Variants in ARSB observed in about 807,000 individuals in gnomAD.
The protein encoded by ARSB is arylsulfatase B.
A neutral mutation model predicts 50.9 loss-of-function variants in ARSB; 41 were observed. The ratio of observed to expected loss-of-function variants is 0.81; its 90% CI spans 0.63 to 1.04. The LOEUF (loss-of-function observed/expected upper bound fraction) is 1.04, where lower values mean the gene tolerates loss of function less well. ARSB is among the 50% of genes least tolerant of loss of function. ARSB has a pLI of 0.00. For synonymous variants in ARSB, 269 were observed against 284.8 expected, an observed-to-expected ratio of 0.94 and a Z score of 0.56; for missense variants, 672 against 693.3, an observed-to-expected ratio of 0.97 and a Z score of 0.35.
At chr5:78,947,045 A>G (rs915306013) in intron 4 of ARSB, among the ~76,000 whole-genome samples, 4 of 152,214 alleles carry the variant, frequency 2.6e-5, no homozygotes, top group Non-Finnish European at 5.9e-5. Flanking sequence ...AGTCTCTTCA[A>G]TAAATGGTGC....
In ARSB at chr5:78,802,695, C is replaced by T. The variant is rs1743435949; in HGVS notation, c.1214-20721G>A. 2.0e-5 allele frequency among the ~76,000 whole-genome samples: 3 copies of T among 152,326 alleles called. No homozygotes were observed. In the South Asian group the frequency reaches 6.2e-4, roughly 32 times the overall value. On this transcript the variant is annotated intron_variant, in intron 6 of 7. Coordinates refer to ENST00000264914, the MANE Select transcript of ARSB (RefSeq NM_000046.5). ...GAGATAATGATTACAGAATGAAGAG[C>T]ACTCAAGTTCTTGAGGGGCCTTAGA... is the stretch of plus-strand genomic sequence containing the variant.
intron 3 of ARSB, among the ~76,000 whole-genome samples, chr5:78,963,164 G>A (rs1390147798): frequency 6.6e-6 from 1 of 152,110 alleles, no homozygotes; most frequent in Non-Finnish European, 1.5e-5. Context: ...GTTAGAAAGA[G>A]CCTGGCATCT....
chr5:78,937,388 CAT>C (rs1393534921), intron 4 of ARSB, among the ~76,000 whole-genome samples: 6 of 135,510 alleles, frequency 4.4e-5, no homozygotes, highest in Non-Finnish European at 7.9e-5. Context: ...ATATATATAT[CAT>C]ATATATGTAA....
intron 5 of ARSB, among the ~76,000 whole-genome samples, chr5:78,847,613 T>G (rs1210258018): frequency 6.6e-6 from 1 of 152,212 alleles, no homozygotes; most frequent in Non-Finnish European, 1.5e-5. Flanking sequence ...CCTCTTCAAT[T>G]TTCTGGAAGA....
chr5:78,785,233 ATT>A (rs34264126), intron 6 of ARSB, among the ~76,000 whole-genome samples: 1 of 150,346 alleles, frequency 6.7e-6, no homozygotes, highest in African/African-American at 2.5e-5. Flanking sequence ...TTAATTTGTT[ATT>A]TTTTTTATAA....
intron 4 of ARSB, among the ~76,000 whole-genome samples, chr5:78,927,443 A>C (rs562922995): frequency 2.6e-4 from 40 of 152,294 alleles, no homozygotes; most frequent in East Asian, 1.9e-3. Context: ...ACTATTTAGT[A>C]TTGAATAACT....
chr5:78,798,242 G>T (rs190341267), intron 6 of ARSB, among the ~76,000 whole-genome samples: 1 of 152,176 alleles, frequency 6.6e-6, no homozygotes, highest in African/African-American at 2.4e-5. Flanking sequence ...GCCATCTCCA[G>T]TTCTGGCACC....
chr5:78,922,880 C>T (rs1426185102), intron 4 of ARSB, among the ~76,000 whole-genome samples: 2 of 151,912 alleles, frequency 1.3e-5, no homozygotes, highest in Admixed American at 6.6e-5. Context: ...CCTCGGCCTC[C>T]CAAAGTGCTG....
At chr5:78,961,758 C>G (rs547135836) in intron 3 of ARSB, among the ~76,000 whole-genome samples, 2 of 151,938 alleles carry the variant, frequency 1.3e-5, no homozygotes, top group East Asian at 3.9e-4. Context: ...TAATAGGTAG[C>G]TGGCTTCTGC....
chr5:78,818,648 G>T (rs1268635198), intron 6 of ARSB, among the ~76,000 whole-genome samples: 3 of 114,078 alleles, frequency 2.6e-5, no homozygotes. Flanking sequence ...GTCTCGCTCT[G>T]TCGCCCAGGC....
intron 5 of ARSB, chr5:78,883,960 C>T (rs1747883967): frequency 6.6e-6 from 1 of 152,146 alleles, no homozygotes; most frequent in South Asian, 2.1e-4. Flanking sequence ...TATTTTGCAA[C>T]TGGAAATTGG....
intron 1 of ARSB, among the ~76,000 whole-genome samples, chr5:78,975,102 T>G (rs183765047): frequency 6.6e-6 from 1 of 152,202 alleles, no homozygotes; most frequent in East Asian, 1.9e-4. Flanking sequence ...CTGTAAACAT[T>G]TCTTCCAGCT....
At chr5:78,963,391 A>T (rs1299109494) in intron 3 of ARSB, among the ~76,000 whole-genome samples, 1 of 152,210 alleles carries the variant, frequency 6.6e-6, no homozygotes, top group Non-Finnish European at 1.5e-5. Context: ...ACTAAGACAG[A>T]CCTGCACCAA....
rs143298304 is a variant in ARSB, at chr5:78,925,037, A to G, written c.898+30258T>C. Among the ~76,000 whole-genome samples the G allele has an allele frequency of 2.8e-3, 425 of 152,316 alleles. 1 individual carries two copies. Among genetic ancestry groups the G allele is most frequent in the African/African-American group, 9.5e-3 (396 of 41,558 alleles). ...AAATACACCTTGGCTGACTGGTTGC[A>G]TATCTCCAAGGAAGAGGCTGTTTAT... On this transcript the variant is annotated intron_variant, in intron 4 of 7. Coordinates refer to ENST00000264914, the MANE Select transcript of ARSB (RefSeq NM_000046.5).
intron 6 of ARSB, among the ~76,000 whole-genome samples, chr5:78,803,698 C>T (rs566440502): frequency 2.1e-4 from 32 of 152,368 alleles, no homozygotes; most frequent in Non-Finnish European, 3.7e-4. Context: ...CTAGTCGATC[C>T]AGCCCAGAGC....
At chr5:78,798,402 AAG>A (rs1354586304) in intron 6 of ARSB, among the ~76,000 whole-genome samples, 1 of 151,826 alleles carries the variant, frequency 6.6e-6, no homozygotes, top group Non-Finnish European at 1.5e-5. Flanking sequence ...AAAAAAAAAA[AAG>A]GGAAACTAAA....
intron 1 of ARSB, among the ~76,000 whole-genome samples, chr5:78,973,898 C>A (rs1752557100): frequency 6.6e-6 from 1 of 152,172 alleles, no homozygotes; most frequent in African/African-American, 2.4e-5. Context: ...GTGTGCAATA[C>A]CTCCTGCTGC....
intron 4 of ARSB, among the ~76,000 whole-genome samples, chr5:78,892,875 C>T (rs1038854277): frequency 6.6e-6 from 1 of 152,174 alleles, no homozygotes; most frequent in African/African-American, 2.4e-5. Flanking sequence ...CTAAGAGCAC[C>T]AGCAAGGAGA....
At chr5:78,904,098 T>C (rs1321123048) in intron 4 of ARSB, among the ~76,000 whole-genome samples, 2 of 152,212 alleles carry the variant, frequency 1.3e-5, no homozygotes, top group Non-Finnish European at 2.9e-5. Context: ...TCATAGTGTG[T>C]GTAATCTTTT....
Sources: gnomAD v4.1 joint callset for allele counts (sites outside exome capture counted in the v4.1 genomes callset) on GRCh38, gnomAD v4.1.1 for gene constraint, MANE v1.5 for transcripts, NCBI Gene and HGNC (gene_info 2026-07-23, HGNC 2026-07-21) for gene names.